The following RSPO2 variants were observed in gnomAD, a reference collection of about 807,000 sequenced individuals.
RSPO2 encodes the protein R-spondin 2.
In RSPO2, 14 loss-of-function variants were observed where a neutral mutation model predicts 30.9. The observed-to-expected ratio is 0.45, with a 90% CI of 0.30 to 0.71. The LOEUF (loss-of-function observed/expected upper bound fraction) is 0.71, where lower values mean the gene tolerates loss of function less well. Among genes scored for constraint, RSPO2 ranks in the 30% least tolerant of loss-of-function variants. The pLI, the probability that RSPO2 is intolerant of heterozygous loss-of-function variation, is 0.08. For missense variants in RSPO2, 264 were observed against 301.9 expected (o/e 0.87, Z 0.93); for synonymous variants, 107 against 96.4 (o/e 1.11, Z -0.64).
At chr8:108,053,075 A>G (rs1232368849) in intron 2 of RSPO2, among the ~76,000 whole-genome samples, 1 of 152,090 alleles carries the variant, frequency 6.6e-6, no homozygotes, top group Admixed American at 6.5e-5. Flanking sequence ...AAGGTCTTGG[A>G]TTTTACGTAT....
At chr8:108,043,751 G>A (rs1388128011) in intron 2 of RSPO2, among the ~76,000 whole-genome samples, 1 of 152,100 alleles carries the variant, frequency 6.6e-6, no homozygotes, top group African/African-American at 2.4e-5. Flanking sequence ...GCAAAGGAAT[G>A]TAAAAGTTCT....
At chr8:107,974,143 T>A (rs1380065185) in intron 3 of RSPO2, among the ~76,000 whole-genome samples, 12 of 151,956 alleles carry the variant, frequency 7.9e-5, no homozygotes, top group Admixed American at 7.9e-4. Context: ...TCCAGGGTGG[T>A]CCCAGAACTG....
chr8:108,031,099 T>A (rs530894034), intron 2 of RSPO2, among the ~76,000 whole-genome samples: 138 of 152,324 alleles, frequency 9.1e-4, no homozygotes, highest in Middle Eastern at 3.4e-3. Context: ...AAATTATTCT[T>A]GTGTCTCACA....
chr8:107,939,454 G>A (rs907480135), intron 5 of RSPO2, among the ~76,000 whole-genome samples: 1 of 146,924 alleles, frequency 6.8e-6, no homozygotes, highest in African/African-American at 2.5e-5. Context: ...TACACCAAAC[G>A]ACAATTTAAA....
intron 2 of RSPO2, among the ~76,000 whole-genome samples, chr8:107,999,143 T>C (rs1388540436): frequency 6.6e-6 from 1 of 152,220 alleles, no homozygotes; most frequent in African/African-American, 2.4e-5. Flanking sequence ...TACAAAGCTT[T>C]AACCTCCCGA....
At chr8:107,901,246 G>C in intron 5 of RSPO2, 56 bp from the exon 6 acceptor site, 1 of 1,535,702 alleles carries the variant, frequency 6.5e-7, no homozygotes, top group Non-Finnish European at 8.7e-7. Flanking sequence ...CTCTAGGAAA[G>C]AAAACACAAA....
chr8:108,070,954 G>C (rs1339459988), intron 2 of RSPO2, among the ~76,000 whole-genome samples: 3 of 151,788 alleles, frequency 2.0e-5, no homozygotes, highest in African/African-American at 7.3e-5. Flanking sequence ...TCGACCTCAA[G>C]TTTGAGGAAA....
intron 2 of RSPO2, among the ~76,000 whole-genome samples, chr8:108,025,356 G>A (rs1452929328): frequency 6.6e-6 from 1 of 152,148 alleles, no homozygotes; most frequent in African/African-American, 2.4e-5. Flanking sequence ...AAAGAATGAT[G>A]GAACATGTCA....
At chr8:107,930,446 G>A (rs899806653) in intron 5 of RSPO2, among the ~76,000 whole-genome samples, 28 of 152,288 alleles carry the variant, frequency 1.8e-4, no homozygotes, top group African/African-American at 6.5e-4. Context: ...TCACTCTAAT[G>A]TTCACTACCT....
intron 2 of RSPO2, among the ~76,000 whole-genome samples, chr8:108,073,540 A>G (rs556575312): frequency 6.6e-6 from 1 of 152,362 alleles, no homozygotes; most frequent in Admixed American, 6.5e-5. Flanking sequence ...TGGCAGCATG[A>G]TGCCTCAAGT....
chr8:107,987,304 C>T (rs1043253383), intron 3 of RSPO2, among the ~76,000 whole-genome samples: 1 of 152,154 alleles, frequency 6.6e-6, no homozygotes, highest in African/African-American at 2.4e-5. Context: ...TCCAATTCAT[C>T]TCCCTCACTT....
chr8:107,928,953 A>G (rs1812467659), intron 5 of RSPO2, among the ~76,000 whole-genome samples: 1 of 152,188 alleles, frequency 6.6e-6, no homozygotes, highest in African/African-American at 2.4e-5. Flanking sequence ...AAGATCAAGA[A>G]TAGATTTTCT....
intron 2 of RSPO2, among the ~76,000 whole-genome samples, chr8:107,999,473 C>T (rs778251141): frequency 2.0e-5 from 3 of 152,146 alleles, no homozygotes; most frequent in East Asian, 1.9e-4. Context: ...CTTACTGTGT[C>T]GCCCAGGTTG....
At chr8:107,934,306 TA>T (rs1812647043) in intron 5 of RSPO2, among the ~76,000 whole-genome samples, 1 of 151,940 alleles carries the variant, frequency 6.6e-6, no homozygotes, top group Non-Finnish European at 1.5e-5. Flanking sequence ...CTAAAATCTT[TA>T]AAAAGTTTAG....
intron 2 of RSPO2, among the ~76,000 whole-genome samples, chr8:108,029,168 T>C (rs1034309318): frequency 6.8e-6 from 1 of 148,024 alleles, no homozygotes; most frequent in Non-Finnish European, 1.5e-5. Context: ...ACCACATGTT[T>C]TTAAGTAAAA....
chr8:108,041,246 A>T (rs1811749220), intron 2 of RSPO2, among the ~76,000 whole-genome samples: 1 of 151,348 alleles, frequency 6.6e-6, no homozygotes, highest in African/African-American at 2.4e-5. Context: ...GATGATAATA[A>T]TTTCTCCCTT....
intron 2 of RSPO2, among the ~76,000 whole-genome samples, chr8:107,993,087 T>C (rs1814902777): frequency 1.3e-5 from 2 of 152,190 alleles, no homozygotes; most frequent in Admixed American, 1.3e-4. Context: ...TTTCAAGTTT[T>C]GAAACTAAAT....
At chr8:108,052,903 CT>C (rs1181894190) in intron 2 of RSPO2, among the ~76,000 whole-genome samples, 1 of 151,800 alleles carries the variant, frequency 6.6e-6, no homozygotes, top group Non-Finnish European at 1.5e-5. Context: ...ATAGTCCAAA[CT>C]TTTATTTTAA....
chr8:107,984,561 G>C (rs1036785625), intron 3 of RSPO2, among the ~76,000 whole-genome samples: 10 of 152,134 alleles, frequency 6.6e-5, no homozygotes, highest in African/African-American at 9.7e-5. Context: ...ATGAAGAAAG[G>C]AACCAAATTA....
Sources: gnomAD v4.1 joint callset for allele counts (sites outside exome capture counted in the v4.1 genomes callset) on GRCh38, gnomAD v4.1.1 for gene constraint, MANE v1.5 for transcripts, NCBI Gene and HGNC (gene_info 2026-07-23, HGNC 2026-07-21) for gene names.